KIF13B: variants seen among roughly 807,000 people sequenced by gnomAD.
KIF13B encodes the protein kinesin family member 13B.
In KIF13B, 127 loss-of-function variants were observed where a neutral mutation model predicts 222.0. The observed-to-expected ratio is 0.57, with a 90% CI of 0.50 to 0.66. KIF13B has a LOEUF of 0.66. Ranked by LOEUF, KIF13B falls within the 30% of genes least tolerant of loss-of-function variation. The pLI is 0.00. For missense variants in KIF13B, 2,173 were observed against 2,379.0 expected, an observed-to-expected ratio of 0.91 and a Z score of 1.80; for synonymous variants, 976 against 919.0, an observed-to-expected ratio of 1.06 and a Z score of -1.12.
At chr8:29,253,701 G>C (rs978932644) in intron 1 of KIF13B, among the ~76,000 whole-genome samples, 2 of 151,706 alleles carry the variant, frequency 1.3e-5, no homozygotes, top group South Asian at 2.1e-4. Context: ...AGGGTGGCAG[G>C]CACCTGTAAT....
At chr8:29,113,222 C>A (rs553289556) in intron 32 of KIF13B, among the ~76,000 whole-genome samples, 1 of 152,278 alleles carries the variant, frequency 6.6e-6, no homozygotes, top group Admixed American at 6.5e-5. Context: ...TCACCTTCTG[C>A]GTAAGAAGGT....
chr8:29,075,470 T>A, intron 37 of KIF13B, 127 bp from the exon 38 acceptor site: 1 of 774,156 alleles, frequency 1.3e-6, no homozygotes, highest in Non-Finnish European at 2.0e-6. Context: ...TGTGCGAGTG[T>A]GAGGGGCTCC....
Position 29,109,001 on chromosome 8 carries a change from C to T in KIF13B, c.4161+433G>A, listed in dbSNP as rs935274170. Among the ~76,000 whole-genome samples, 91 of 152,156 alleles carry T rather than the reference C, an allele frequency of 6.0e-4. 1 individual carries two copies. The highest frequency in any genetic ancestry group is 2.1e-3 in the African/African-American group (88 of 41,438). ...AACTGAAGCCACTGTTATGAAACAA[C>T]CCCATGTATCTGACGCATGGACACC... On this transcript the variant is annotated intron_variant, in intron 34 of 39. Transcript: ENST00000524189.
intron 38 of KIF13B, among the ~76,000 whole-genome samples, chr8:29,072,642 T>C (rs1388022700): frequency 6.6e-6 from 1 of 152,208 alleles, no homozygotes; most frequent in African/African-American, 2.4e-5. Flanking sequence ...GGGCCGACAG[T>C]GCACCCCGCA....
chr8:29,189,065 G>T (rs1813064892), intron 4 of KIF13B, among the ~76,000 whole-genome samples: 1 of 152,108 alleles, frequency 6.6e-6, no homozygotes, highest in Non-Finnish European at 1.5e-5. Context: ...ACACATACCA[G>T]TTAGGACAGG....
rs775861530 is a variant in KIF13B at position 29,071,816 on chromosome 8, C to G, written c.5022G>C (p.Glu1674Asp). 6.5e-7 allele frequency: 1 copy of G among 1,543,852 alleles called. No homozygotes were observed. The highest frequency in any genetic ancestry group is 1.2e-5 in the South Asian group (1 of 83,990). The change falls in exon 39 of 40, where the codon GAG becomes GAC. Residue 1674 changes from glutamate to aspartate, a missense_variant. By Grantham distance (45) the Glu-to-Asp change is conservative. Coordinates refer to ENST00000524189, the MANE Select transcript of KIF13B (RefSeq NM_015254.4). This position sits in a 1 kb window ranked among gnomAD's most constrained non-coding sequence, Gnocchi z 4.9. ...CGGCGCCCGGGGCCGGCGCATTCCC[C>G]TCGGCCCCCGGGGAGCAGCCGGGGT... ...AGDPGCSPGA[E>D]GNAPAPGAGG...
intron 37 of KIF13B, among the ~76,000 whole-genome samples, chr8:29,083,578 C>T (rs1284263963): frequency 2.6e-5 from 4 of 152,174 alleles, no homozygotes; most frequent in Non-Finnish European, 4.4e-5. Context: ...ACTCTGACAT[C>T]TCTAAGTATG....
At chr8:29,248,762 C>A (rs1816151616) in intron 1 of KIF13B, among the ~76,000 whole-genome samples, 1 of 152,094 alleles carries the variant, frequency 6.6e-6, no homozygotes, top group Admixed American at 6.5e-5. Context: ...GAAGCTAATG[C>A]TAAGTGAAAA....
intron 27 of KIF13B, 45 bp from the exon 28 acceptor site, chr8:29,123,537 C>T (rs766470983): frequency 1.9e-6 from 3 of 1,609,602 alleles, no homozygotes; most frequent in Non-Finnish European, 2.5e-6. Context: ...CTTCACTTGC[C>T]ATTTATCTTT....
chr8:29,229,967 T>C (rs914113664), intron 2 of KIF13B, among the ~76,000 whole-genome samples: 3 of 152,224 alleles, frequency 2.0e-5, no homozygotes, highest in Admixed American at 2.0e-4. Flanking sequence ...ACTTAAAATA[T>C]GATGTTTTAA....
intron 17 of KIF13B, 27 bp from the exon 18 acceptor site, chr8:29,146,567 G>A (rs758009654): frequency 6.3e-7 from 1 of 1,599,628 alleles, no homozygotes; most frequent in Non-Finnish European, 8.5e-7. Context: ...AAGCGGCAGA[G>A]GTAGGGAAGA....
intron 21 of KIF13B, among the ~76,000 whole-genome samples, chr8:29,134,906 G>A (rs528465834): frequency 2.0e-5 from 3 of 152,268 alleles, no homozygotes; most frequent in South Asian, 2.1e-4. Flanking sequence ...AGCGTGCTCC[G>A]GACCAGGAGG....
Position 29,067,487 on chromosome 8 carries a change from T to C in KIF13B, c.*3017A>G, listed in dbSNP as rs1248074573. 6.6e-6 allele frequency: 1 copy of C among 152,462 alleles called. No homozygotes were observed. Among genetic ancestry groups the C allele is most frequent in the Middle Eastern group, 3.2e-3 (1 of 316 alleles). 9.4% of individuals were successfully genotyped at this position (152,462 alleles called of 1,614,324 possible). A position where few individuals can be genotyped will look rare whatever the true frequency, so the allele number is the denominator to read the frequency against. On this transcript the variant is annotated 3_prime_UTR_variant, in exon 40 of 40. Transcript: ENST00000524189. ...ACAGAATCAAAGTCACTTCTTTATA[T>C]GTGAACTCTTCGCATTTACACGAAT... is the stretch of plus-strand genomic sequence containing the variant.
chr8:29,181,941 T>A lies in KIF13B; in HGVS notation c.563A>T (p.Lys188Ile), dbSNP rs1187814183. 6.2e-7 allele frequency: 1 copy of A among 1,613,624 alleles called. No homozygotes were observed. Among genetic ancestry groups the A allele is most frequent in the East Asian group, 2.2e-5 (1 of 44,868 alleles). Residue 188 changes from lysine (K) to isoleucine (I), a missense_variant, in exon 7 of 40, where the codon AAA becomes ATA. Lys to Ile is a moderately radical substitution (Grantham distance 102, BLOSUM62 -3). Around this residue, in one of 2 missense-constraint regions of KIF13B, gnomAD observed 1,480 missense variants for 1,722.8 expected, o/e 0.86. Coordinates refer to ENST00000524189, the MANE Select transcript of KIF13B (RefSeq NM_015254.4). ...TACCTTGTAGCTTGTGACAGCCAGT[T>A]TAGAAAGTCCGTCGACATAAGGTCC... ...VLGPYVDGLS[K>I]LAVTSYKDIE... is the part of the protein sequence containing the mutation.
intron 2 of KIF13B, among the ~76,000 whole-genome samples, chr8:29,215,704 C>T (rs1168253474): frequency 6.6e-6 from 1 of 152,144 alleles, no homozygotes; most frequent in East Asian, 1.9e-4. Context: ...AAGAGTATGC[C>T]TTCCAAGTTT....
chr8:29,176,944 C>T (rs1160653297), intron 9 of KIF13B, among the ~76,000 whole-genome samples: 1 of 152,196 alleles, frequency 6.6e-6, no homozygotes, highest in Non-Finnish European at 1.5e-5. Flanking sequence ...AAAGGAAAAG[C>T]TCAACGTGGT....
At chr8:29,214,253 T>A in intron 2 of KIF13B, among the ~76,000 whole-genome samples, 1 of 152,204 alleles carries the variant, frequency 6.6e-6, no homozygotes, top group African/African-American at 2.4e-5. Context: ...TTTTACTTTA[T>A]AAACTTTTTT....
chr8:29,136,577 C>G (rs1474666830), intron 21 of KIF13B, among the ~76,000 whole-genome samples: 1 of 42,946 alleles, frequency 2.3e-5, no homozygotes. Flanking sequence ...GAGCGAAACT[C>G]CGCTCAAAAA....
Position 29,132,374 on chromosome 8 carries a change from G to A in KIF13B, c.2876C>T (p.Pro959Leu). Residue 959 changes from proline (P) to leucine (L), a missense_variant, in exon 23 of 40, where the codon CCC (proline) becomes CTC (leucine). Coordinates refer to ENST00000524189, the MANE Select transcript of KIF13B (RefSeq NM_015254.4). ...ATCCCACAGGGCGGGGTTTTTCCGG[G>A]GATCGTTTATTTTATGTCCATATAC... ...IEVYGHKIND[P>L]RKNPALWDLG... 1 of 1,593,464 alleles carries A rather than the reference G, an allele frequency of 6.3e-7. No homozygotes were observed.
Sources: allele counts gnomAD v4.1 joint callset (sites outside exome capture counted in the v4.1 genomes callset), GRCh38; gene constraint gnomAD v4.1.1; regional missense constraint gnomAD v4.1.1; non-coding constraint Gnocchi (gnomAD v3.1); transcripts MANE v1.5; gene names NCBI Gene and HGNC (gene_info 2026-07-23, HGNC 2026-07-21).